Variants in CALCOCO1 observed in about 807,000 individuals in gnomAD.
CALCOCO1 encodes calcium-binding and coiled-coil domain-containing protein 1.
In CALCOCO1, 44 loss-of-function variants were observed where a neutral mutation model predicts 86.3. The observed-to-expected ratio is 0.51, with a 90% CI of 0.40 to 0.66. The LOEUF (loss-of-function observed/expected upper bound fraction) is 0.66, where lower values mean the gene tolerates loss of function less well. Among genes scored for constraint, CALCOCO1 ranks in the 30% least tolerant of loss-of-function variants. The probability of loss-of-function intolerance (pLI) is 0.00; values close to 1 mark genes in which losing one functional copy is unlikely to be tolerated. For missense variants in CALCOCO1, 708 were observed against 851.1 expected (o/e 0.83, Z 2.09); for synonymous variants, 297 against 327.6 (o/e 0.91, Z 1.01).
intron 3 of CALCOCO1, 137 bp downstream of exon 3, chr12:53,724,508 A>C: frequency 1.4e-6 from 1 of 697,892 alleles, no homozygotes; most frequent in Non-Finnish European, 2.6e-6. Flanking sequence ...GCTGTTGGAT[A>C]TATTCTCATT....
rs548874895 is a variant in CALCOCO1, at chr12:53,714,065, A to G, written c.1591+68T>C. On this transcript the variant is annotated intron_variant, in intron 12 of 14. Transcript: ENST00000550804. The stretch of plus-strand genomic sequence containing the variant: ...CAAAGGCAGCTCCCAGCAAGGTTAC[A>G]TGGAGCCTTCCTCAACAGCGGGAGG... 51 of 1,413,754 alleles carry G rather than the reference A, an allele frequency of 3.6e-5. No individual in the cohort carries two copies. The Admixed American group carries it at 7.1e-4, about 20-fold the overall frequency. The allele number at this position is 1,413,754 out of a possible 1,614,324, so 87.6% of individuals were successfully genotyped here.
In CALCOCO1 at chr12:53,711,935, GGAGT is replaced by G; in HGVS notation, c.*5_*8del. On this transcript the variant is annotated 3_prime_UTR_variant, in exon 15 of 15. Coordinates refer to ENST00000550804, the MANE Select transcript of CALCOCO1 (RefSeq NM_020898.3). ...GAGTGTGTATTTGTGCATGTACGAG[GGAGT>G]AAGATCACTCAAAGGTGAAGGGGTC... 6.5e-7 allele frequency: 1 copy of G among 1,550,012 alleles called. No individual in the cohort carries two copies. The highest frequency in any genetic ancestry group is 8.7e-7 in the Non-Finnish European group (1 of 1,149,020).
At chr12:53,714,389 C>A in intron 11 of CALCOCO1, 148 bp from the exon 12 acceptor site, 1 of 677,758 alleles carries the variant, frequency 1.5e-6, no homozygotes. Context: ...GCAGACACTC[C>A]CCCCAGCACC....
rs1945536704 is a variant in CALCOCO1 at position 53,711,025 on chromosome 12, C to T, written c.*919G>A. Reference sequence around the variant, plus strand: ...GAGGCAGGGATGCGTCCCCTCTTTCCCTCCTCCCTCCACCAGGGTCTAAGA... The same window carrying T: ...GAGGCAGGGATGCGTCCCCTCTTTCTCTCCTCCCTCCACCAGGGTCTAAGA... On this transcript the variant is annotated 3_prime_UTR_variant, in exon 15 of 15. Transcript: ENST00000550804. 2 of 369,622 alleles carry T rather than the reference C, an allele frequency of 5.4e-6. No homozygotes were observed. Among genetic ancestry groups the T allele is most frequent in the Non-Finnish European group, 9.6e-6 (2 of 208,050 alleles). 22.9% of individuals were successfully genotyped at this position (369,622 alleles called of 1,614,324 possible).
At chr12:53,721,875 TC>T (rs1258273887) in intron 5 of CALCOCO1, 149 bp downstream of exon 5, 2 of 897,766 alleles carry the variant, frequency 2.2e-6, no homozygotes, top group African/African-American at 3.3e-5. Flanking sequence ...TCAAGTTTAA[TC>T]CCAGCCACTA....
At position 53,719,818 on chromosome 12, in the gene CALCOCO1, G is replaced by A. The variant is rs1945820630; in HGVS notation, c.770C>T (p.Thr257Ile). ...KEVELDRLRD[T>I]VKALTREQEK... ...TTGTTCCCGAGTCAGGGCCTTCACT[G>A]TGTCTCTAAGCCTGTGATTGGTGGG... Residue 257 changes from threonine to isoleucine, a missense_variant, in exon 7 of 15, where the codon ACA becomes ATA. By Grantham distance (89) the Thr-to-Ile change is moderately conservative (BLOSUM62 -1). Coordinates refer to ENST00000550804, the MANE Select transcript of CALCOCO1 (RefSeq NM_020898.3). 1.9e-6 allele frequency: 3 copies of A among 1,612,684 alleles called. No individual in the cohort carries two copies. Among genetic ancestry groups the A allele is most frequent in the Admixed American group, 3.3e-5 (2 of 59,980 alleles).
chr12:53,714,155 A>G lies in CALCOCO1; in HGVS notation c.1569T>C (p.Asp523=). The G allele has an allele frequency of 6.2e-7, 1 of 1,612,922 alleles. No homozygotes were observed. Among genetic ancestry groups the G allele is most frequent in the Non-Finnish European group, 8.5e-7 (1 of 1,179,658 alleles). The change falls in exon 12 of 15, where the codon GAT becomes GAC. Residue 523 remains aspartate, a synonymous_variant. Transcript: ENST00000550804. ...GACTCAGCCCCACAGCGGCCTCCTC[A>G]TCCTCTGTGGTGGCATCCTCATTCC... The part of the protein sequence containing the change: ...EKWNEDATTE[D]EEAAVGLSCP...
At chr12:53,724,500 T>C in intron 3 of CALCOCO1, 145 bp downstream of exon 3, 1 of 680,998 alleles carries the variant, frequency 1.5e-6, no homozygotes, top group Non-Finnish European at 2.7e-6. Flanking sequence ...CGCTGAGCGC[T>C]GTTGGATATA....
chr12:53,718,147 TATTTTC>T (rs1945777141), intron 7 of CALCOCO1, among the ~76,000 whole-genome samples: 1 of 152,262 alleles, frequency 6.6e-6, no homozygotes, highest in Non-Finnish European at 1.5e-5. Flanking sequence ...GTTTCTACTG[TATTTTC>T]TATTGAATTG....
rs747911219 is a variant in CALCOCO1, at chr12:53,725,270, TGAAA to T, written c.-24-8_-24-5del. The T allele has an allele frequency of 6.5e-7, 1 of 1,549,426 alleles. No homozygotes were observed. Among genetic ancestry groups the T allele is most frequent in the Admixed American group, 2.0e-5 (1 of 50,966 alleles). On this transcript the variant is annotated splice_region_variant and splice_polypyrimidine_tract_variant and intron_variant, in intron 1 of 14. Transcript: ENST00000550804. Reference sequence around the variant, plus strand: ...TGGCCTTGAGATATCTGTCCTCCTATGAAAGAAAGGGTTGATAGCCTAAAGTCTT... The same window carrying T: ...TGGCCTTGAGATATCTGTCCTCCTATGAAAGGGTTGATAGCCTAAAGTCTT...
At chr12:53,721,805 G>T in intron 5 of CALCOCO1, 190 bp from the exon 6 acceptor site, 1 of 802,820 alleles carries the variant, frequency 1.2e-6, no homozygotes, top group Non-Finnish European at 2.0e-6. Context: ...CCTTACCCCA[G>T]CATTCCTATG....
chr12:53,721,712 C>G (rs746478011), intron 5 of CALCOCO1, 97 bp from the exon 6 acceptor site: 1 of 1,429,078 alleles, frequency 7.0e-7, no homozygotes, highest in Non-Finnish European at 9.7e-7. Flanking sequence ...GGTCTGACTG[C>G]TTCCACCTGG....
intron 3 of CALCOCO1, chr12:53,724,290 C>T (rs1256953082): frequency 1.3e-5 from 5 of 375,946 alleles, no homozygotes; most frequent in Non-Finnish European, 2.1e-5. Flanking sequence ...ATGTAATTTG[C>T]CCAAGGCCAA....
chr12:53,714,645 G>C lies in CALCOCO1; in HGVS notation c.1435C>G (p.Leu479Val). 1.9e-6 allele frequency: 3 copies of C among 1,614,116 alleles called. No individual in the cohort carries two copies. Among genetic ancestry groups the C allele is most frequent in the Non-Finnish European group, 2.5e-6 (3 of 1,180,024 alleles). Residue 479 changes from leucine to valine, a missense_variant, in exon 11 of 15, where the codon CTG becomes GTG. Transcript: ENST00000550804. Reference sequence around the variant, plus strand: ...TCCTTTTCCTTCTGGAGCACACGCAGGGCTGACCGCAGCTCTGTCAGCTCC... The same window carrying C: ...TCCTTTTCCTTCTGGAGCACACGCACGGCTGACCGCAGCTCTGTCAGCTCC... ...KRELTELRSA[L>V]RVLQKEKEQL... is the part of the protein sequence containing the mutation.
chr12:53,721,860 T>A, intron 5 of CALCOCO1, 165 bp downstream of exon 5: 1 of 839,204 alleles, frequency 1.2e-6, no homozygotes. Flanking sequence ...ATGTCTCTTG[T>A]CACATCAAGT....
At chr12:53,712,841 A>G in intron 14 of CALCOCO1, 2 of 1,448,950 alleles carry the variant, frequency 1.4e-6, no homozygotes, top group Non-Finnish European at 1.8e-6. Context: ...TCTGCAGAAG[A>G]TGGTGCTAGA....
intron 10 of CALCOCO1, 73 bp from the exon 11 acceptor site, chr12:53,714,766 C>T: frequency 1.8e-6 from 2 of 1,084,032 alleles, no homozygotes; most frequent in Non-Finnish European, 2.8e-6. Context: ...GGGACCAGGA[C>T]CAACAATCTA....
intron 4 of CALCOCO1, 103 bp downstream of exon 4, chr12:53,723,490 T>C: frequency 1.6e-6 from 2 of 1,217,940 alleles, no homozygotes; most frequent in Non-Finnish European, 2.4e-6. Flanking sequence ...ACGAGGTCTT[T>C]AGTTGGCGCC....
chr12:53,725,050 G>T lies in CALCOCO1; in HGVS notation c.156+37C>A, dbSNP rs562844423. On this transcript the variant is annotated intron_variant, in intron 2 of 14. Transcript: ENST00000550804. ...TTCCCCTTATTCCAACCAACTCACA[G>T]CCCATAAACCTAAGCCAAAAGGGGT... 3.8e-5 allele frequency: 59 copies of T among 1,539,380 alleles called. 1 individual carries two copies. The East Asian group carries it at 1.3e-3, about 35-fold the overall frequency.
Sources: allele counts gnomAD v4.1 joint callset (sites outside exome capture counted in the v4.1 genomes callset), GRCh38; gene constraint gnomAD v4.1.1; transcripts MANE v1.5; gene names NCBI Gene and HGNC (gene_info 2026-07-23, HGNC 2026-07-21).